Variants in FRMD6 observed in about 807,000 individuals in gnomAD.
FRMD6 encodes FERM domain containing 6, also known as FERM domain-containing protein 6.
In FRMD6, 37 loss-of-function variants were observed where a neutral mutation model predicts 73.2. The observed-to-expected ratio is 0.51, with a 90% CI of 0.39 to 0.66. The LOEUF is 0.66. Among genes scored for constraint, FRMD6 ranks in the 30% least tolerant of loss-of-function variants. The pLI is 0.00. For missense variants in FRMD6, 714 were observed against 780.5 expected (o/e 0.91, Z 1.02); for synonymous variants, 273 against 282.2 (o/e 0.97, Z 0.33).
intron 1 of FRMD6, among the ~76,000 whole-genome samples, chr14:51,539,222 T>C (rs1303721635): frequency 6.6e-6 from 1 of 152,160 alleles, no homozygotes; most frequent in Admixed American, 6.6e-5. Context: ...GTCACCCTTC[T>C]GAATTCTTCC....
rs891519133 is a variant in FRMD6 at position 51,600,170 on chromosome 14, A to G, written c.-147+29760A>G. ...AACAAGAAGATAGTTTGACTTGTTT[A>G]CCTAAAGCTCTCCTTTGAGTTGCCA... On this transcript the variant is annotated intron_variant, in intron 2 of 14. Coordinates refer to the FRMD6 transcript ENST00000356218. Among the ~76,000 whole-genome samples, 6 of 152,160 alleles carry G rather than the reference A, an allele frequency of 3.9e-5. No homozygotes were observed. In the South Asian group the frequency reaches 1.0e-3, roughly 26 times the overall value.
intron 2 of FRMD6, among the ~76,000 whole-genome samples, chr14:51,636,802 G>C (rs1891588320): frequency 6.6e-6 from 1 of 152,184 alleles, no homozygotes; most frequent in Non-Finnish European, 1.5e-5. Flanking sequence ...GGGGTGACGT[G>C]AGGGGAGAAG....
intron 6 of FRMD6, among the ~76,000 whole-genome samples, chr14:51,706,287 G>T (rs1896619480): frequency 6.6e-6 from 1 of 151,972 alleles, no homozygotes; most frequent in Non-Finnish European, 1.5e-5. Flanking sequence ...CTTAGCTCCT[G>T]CTGTTTCTAG....
upstream of FRMD6, among the ~76,000 whole-genome samples, chr14:51,647,588 T>C (rs553925225): frequency 6.6e-6 from 1 of 152,312 alleles, no homozygotes; most frequent in South Asian, 2.1e-4. Context: ...TTATTTTGTT[T>C]GTTTAAAGTA....
the FRMD6 span, among the ~76,000 whole-genome samples, chr14:51,475,337 G>A: frequency 6.6e-6 from 1 of 152,202 alleles, no homozygotes; most frequent in South Asian, 2.1e-4. Context: ...ATGGTTCAAT[G>A]AAGTAAACAA....
the FRMD6 span, among the ~76,000 whole-genome samples, chr14:51,441,878 T>C: frequency 6.6e-6 from 1 of 152,354 alleles, no homozygotes; most frequent in Admixed American, 6.5e-5. Context: ...TAAATGTGCT[T>C]GAAAATTATA....
chr14:51,577,953 T>C (rs1205247640), intron 2 of FRMD6, among the ~76,000 whole-genome samples: 1 of 152,218 alleles, frequency 6.6e-6, no homozygotes, highest in Non-Finnish European at 1.5e-5. Context: ...ACAGGCATTA[T>C]ACCAATAGGG....
intron 1 of FRMD6, among the ~76,000 whole-genome samples, chr14:51,665,247 C>T (rs1041570845): frequency 3.3e-5 from 5 of 152,150 alleles, no homozygotes; most frequent in East Asian, 3.8e-4. Context: ...CCCCTTTATA[C>T]GGGGTGTGTG....
At chr14:51,634,800 T>A (rs574631575) in intron 2 of FRMD6, among the ~76,000 whole-genome samples, 3 of 152,320 alleles carry the variant, frequency 2.0e-5, no homozygotes, top group African/African-American at 7.2e-5. Flanking sequence ...ATATGTACCC[T>A]GGTAAAGCCA....
At chr14:51,569,195 C>T (rs543684775) in intron 1 of FRMD6, among the ~76,000 whole-genome samples, 43 of 152,276 alleles carry the variant, frequency 2.8e-4, no homozygotes, top group African/African-American at 9.1e-4. Context: ...CCCTCACAAA[C>T]GCTACACAGA....
intron 1 of FRMD6, among the ~76,000 whole-genome samples, chr14:51,538,759 T>C (rs1422777196): frequency 1.3e-5 from 2 of 152,232 alleles, no homozygotes; most frequent in African/African-American, 4.8e-5. Context: ...GATCTGCGTG[T>C]CTATCTTCAC....
the FRMD6 span, among the ~76,000 whole-genome samples, chr14:51,435,455 A>G: frequency 6.6e-6 from 1 of 152,062 alleles, no homozygotes; most frequent in South Asian, 2.1e-4. Context: ...GTAAACATTA[A>G]AAAGAAATAA....
At chr14:51,683,459 A>T (rs772731880) in intron 1 of FRMD6, among the ~76,000 whole-genome samples, 48 of 149,618 alleles carry the variant, frequency 3.2e-4, no homozygotes, top group South Asian at 1.7e-3. Context: ...TTTTTTTTTT[A>T]AACTTTTTTA....
At chr14:51,458,349 T>C in the FRMD6 span, among the ~76,000 whole-genome samples, 1 of 152,362 alleles carries the variant, frequency 6.6e-6, no homozygotes, top group East Asian at 1.9e-4. Flanking sequence ...ATTGCATTTT[T>C]GGGAGATGAT....
chr14:51,400,151 G>GA, the FRMD6 span, among the ~76,000 whole-genome samples: 65,419 of 151,800 alleles, frequency 0.43, 15,860 homozygotes, highest in African/African-American at 0.67. Context: ...TAGCTATTTT[G>GA]AATGTAAAAT....
chr14:51,521,948 G>A lies in FRMD6; in HGVS notation c.-210+32528G>A, dbSNP rs574770299. On this transcript the variant is annotated intron_variant, in intron 1 of 14. Transcript: ENST00000356218. ...ATCTGGTTTCAGGCTACATATTTATGTAACCCTTTCTCAGAGCATTGCACA... is the reference window on the plus strand; with the variant it reads ...ATCTGGTTTCAGGCTACATATTTATATAACCCTTTCTCAGAGCATTGCACA... Among the ~76,000 whole-genome samples the A allele has an allele frequency of 2.0e-5, 3 of 152,110 alleles. No individual in the cohort carries two copies. The South Asian group carries it at 6.2e-4, about 32-fold the overall frequency.
chr14:51,401,393 T>C, the FRMD6 span, among the ~76,000 whole-genome samples: 3 of 152,250 alleles, frequency 2.0e-5, no homozygotes, highest in Non-Finnish European at 4.4e-5. Flanking sequence ...TTATGCTGTG[T>C]GTACAGTTCT....
the FRMD6 span, among the ~76,000 whole-genome samples, chr14:51,453,864 A>G: frequency 6.6e-6 from 1 of 152,222 alleles, no homozygotes; most frequent in African/African-American, 2.4e-5. Context: ...CAGAAAGGCA[A>G]CGTCAAGCCA....
At chr14:51,568,300 C>T (rs17586545) in intron 1 of FRMD6, among the ~76,000 whole-genome samples, 5,942 of 152,318 alleles carry the variant, frequency 0.039, 151 homozygotes, top group Non-Finnish European at 0.054. Flanking sequence ...GAATGTCAAG[C>T]TCCTGTTTTG....
Sources: allele counts gnomAD v4.1 joint callset (sites outside exome capture counted in the v4.1 genomes callset), GRCh38; gene constraint gnomAD v4.1.1; transcripts MANE v1.5; gene names NCBI Gene and HGNC (gene_info 2026-07-23, HGNC 2026-07-21).